CMSS1: variants seen among roughly 807,000 people sequenced by gnomAD.
CMSS1 encodes the protein cms1 ribosomal small subunit homolog.
A neutral mutation model predicts 43.5 loss-of-function variants in CMSS1; 33 were observed. The observed-to-expected ratio is 0.76, with a 90% CI of 0.57 to 1.01. CMSS1 has a LOEUF of 1.01. Ranked by LOEUF, CMSS1 falls within the 50% of genes least tolerant of loss-of-function variation. The pLI, the probability that CMSS1 is intolerant of heterozygous loss-of-function variation, is 0.00. For synonymous variants in CMSS1, 115 were observed against 117.2 expected (o/e 0.98, Z 0.12); for missense variants, 313 against 326.4 (o/e 0.96, Z 0.32).
chr3:99,830,547 C>G (rs920186930), intron 1 of CMSS1: 1 of 456,510 alleles, frequency 2.2e-6, no homozygotes, highest in African/African-American at 2.0e-5. Flanking sequence ...CTTGGTGATG[C>G]CTGTAGATTT....
At chr3:100,052,587 G>A (rs1423020449) in intron 1 of CMSS1, among the ~76,000 whole-genome samples, 4 of 152,196 alleles carry the variant, frequency 2.6e-5, no homozygotes, top group Non-Finnish European at 4.4e-5. Flanking sequence ...TTCAATGCTA[G>A]TATAGGAAAG....
chr3:100,070,162 A>G (rs527871298), intron 1 of CMSS1, among the ~76,000 whole-genome samples: 69 of 152,342 alleles, frequency 4.5e-4, no homozygotes, highest in African/African-American at 1.6e-3. Flanking sequence ...CATTCCTGTT[A>G]CAGCCAGAGC....
chr3:100,155,797 T>C (rs2107522651), intron 2 of CMSS1, among the ~76,000 whole-genome samples: 1 of 152,364 alleles, frequency 6.6e-6, no homozygotes, highest in African/African-American at 2.4e-5. Flanking sequence ...AAATAAACTT[T>C]ATTCATAATT....
At chr3:99,959,672 T>C (rs1292728279) in intron 1 of CMSS1, among the ~76,000 whole-genome samples, 1 of 152,198 alleles carries the variant, frequency 6.6e-6, no homozygotes, top group African/African-American at 2.4e-5. Flanking sequence ...CAAAATTAGT[T>C]GTAATAAAGA....
intron 1 of CMSS1, among the ~76,000 whole-genome samples, chr3:100,020,721 T>G (rs899159200): frequency 1.3e-5 from 2 of 151,834 alleles, no homozygotes; most frequent in Non-Finnish European, 2.9e-5. Context: ...TACTATTAAC[T>G]TACTAAGAAC....
intron 2 of CMSS1, among the ~76,000 whole-genome samples, chr3:100,154,666 T>C (rs2066955153): frequency 1.3e-5 from 2 of 152,210 alleles, no homozygotes; most frequent in African/African-American, 2.4e-5. Context: ...CTAATAATCA[T>C]ACATATATTT....
intron 1 of CMSS1, among the ~76,000 whole-genome samples, chr3:99,885,558 C>T (rs1705865808): frequency 6.6e-6 from 1 of 152,224 alleles, no homozygotes; most frequent in Non-Finnish European, 1.5e-5. Flanking sequence ...GATACTTCTT[C>T]ATTTCCTTTT....
chr3:100,099,231 A>C (rs948978505), intron 1 of CMSS1, among the ~76,000 whole-genome samples: 2 of 152,218 alleles, frequency 1.3e-5, no homozygotes, highest in Non-Finnish European at 2.9e-5. Context: ...AATATTTATC[A>C]TCTTAGTACG....
At chr3:99,832,857 AG>A (rs1942736931) in intron 1 of CMSS1, among the ~76,000 whole-genome samples, 1 of 139,340 alleles carries the variant, frequency 7.2e-6, no homozygotes, top group Non-Finnish European at 1.5e-5. Flanking sequence ...AAAAAAAAAA[AG>A]TTGTTTTTTT....
intron 1 of CMSS1, among the ~76,000 whole-genome samples, chr3:100,000,980 C>T (rs578018120): frequency 6.6e-6 from 1 of 152,250 alleles, no homozygotes; most frequent in Admixed American, 6.5e-5. Flanking sequence ...TATAAGATAA[C>T]CTAGTTACTG....
intron 1 of CMSS1, among the ~76,000 whole-genome samples, chr3:99,974,438 A>G (rs992452973): frequency 2.6e-5 from 4 of 152,206 alleles, no homozygotes; most frequent in African/African-American, 4.8e-5. Flanking sequence ...GGCTGGGCGC[A>G]GTGGCTCACG....
At chr3:100,099,736 A>T (rs1269809467) in intron 1 of CMSS1, among the ~76,000 whole-genome samples, 1 of 152,220 alleles carries the variant, frequency 6.6e-6, no homozygotes, top group Non-Finnish European at 1.5e-5. Flanking sequence ...TAGGGATAAG[A>T]TTAAAACCTC....
intron 1 of CMSS1, among the ~76,000 whole-genome samples, chr3:99,823,333 T>C (rs1439300487): frequency 6.6e-6 from 1 of 152,230 alleles, no homozygotes; most frequent in East Asian, 1.9e-4. Flanking sequence ...AGTTATTTAA[T>C]AGGGATGTCA....
At chr3:99,834,327 T>C (rs1170145525) in intron 1 of CMSS1, among the ~76,000 whole-genome samples, 2 of 152,186 alleles carry the variant, frequency 1.3e-5, no homozygotes, top group Non-Finnish European at 2.9e-5. Flanking sequence ...TATTAAAGAG[T>C]TGTCCAATAT....
chr3:99,937,412 C>A (rs921983645), intron 1 of CMSS1, among the ~76,000 whole-genome samples: 1 of 152,130 alleles, frequency 6.6e-6, no homozygotes, highest in African/African-American at 2.4e-5. Context: ...TTTAAATTTT[C>A]ATGTGCTTTT....
chr3:99,904,738 T>G (rs1706555681), intron 1 of CMSS1, among the ~76,000 whole-genome samples: 1 of 152,164 alleles, frequency 6.6e-6, no homozygotes, highest in Admixed American at 6.5e-5. Context: ...CCACACCCAC[T>G]TCTCTTCTGC....
At chr3:99,866,685 A>C (rs1273954675) in intron 1 of CMSS1, among the ~76,000 whole-genome samples, 1 of 152,134 alleles carries the variant, frequency 6.6e-6, no homozygotes, top group African/African-American at 2.4e-5. Context: ...TAAACAATTA[A>C]ATCATGAGCC....
At chr3:100,141,723 A>G (rs760667771) in intron 1 of CMSS1, 28 of 345,168 alleles carry the variant, frequency 8.1e-5, no homozygotes, top group Non-Finnish European at 1.4e-4. Flanking sequence ...GTACTTGATG[A>G]CTCCTCTTTT....
intron 1 of CMSS1, among the ~76,000 whole-genome samples, chr3:100,113,255 C>A (rs948429406): frequency 2.0e-5 from 3 of 152,184 alleles, no homozygotes; most frequent in African/African-American, 7.2e-5. Context: ...ACTGTGCAGC[C>A]ACCCTAAACA....
Sources: gnomAD v4.1 joint callset for allele counts (sites outside exome capture counted in the v4.1 genomes callset) on GRCh38, gnomAD v4.1.1 for gene constraint, MANE v1.5 for transcripts, NCBI Gene and HGNC (gene_info 2026-07-23, HGNC 2026-07-21) for gene names.